Variants in FMNL2 observed in about 807,000 individuals in gnomAD.
The protein encoded by FMNL2 is formin like 2.
In FMNL2, 51 loss-of-function variants were observed where a neutral mutation model predicts 130.2. That is an observed-to-expected ratio of 0.39 (90% CI 0.31 to 0.49). The LOEUF is 0.49. Ranked by LOEUF, FMNL2 falls within the 20% of genes least tolerant of loss-of-function variation. The pLI, the probability that FMNL2 is intolerant of heterozygous loss-of-function variation, is 0.85. For missense variants in FMNL2, 977 were observed against 1,316.2 expected (o/e 0.74, Z 3.99); for synonymous variants, 465 against 467.1 (o/e 1.00, Z 0.06).
chr2:152,474,223 T>A (rs1389549770), intron 1 of FMNL2, among the ~76,000 whole-genome samples: 3 of 152,200 alleles, frequency 2.0e-5, no homozygotes, highest in African/African-American at 7.2e-5. Context: ...CTCACTTGCT[T>A]ACCCAGTGTT....
chr2:152,434,285 G>A (rs1427553406), intron 1 of FMNL2, among the ~76,000 whole-genome samples: 2 of 152,160 alleles, frequency 1.3e-5, no homozygotes, highest in African/African-American at 4.8e-5. Flanking sequence ...GTTAGGTCAG[G>A]CCCATGTAAA....
intron 1 of FMNL2, among the ~76,000 whole-genome samples, chr2:152,406,650 T>C (rs73967858): frequency 0.13 from 20,155 of 152,194 alleles, 1,549 homozygotes; most frequent in East Asian, 0.19. Flanking sequence ...AGTTGAGTCA[T>C]TGCTTTTGAT....
chr2:152,628,100 T>C (rs1413739530), intron 17 of FMNL2, among the ~76,000 whole-genome samples, 199 bp from the exon 18 acceptor site: 1 of 152,202 alleles, frequency 6.6e-6, no homozygotes, highest in African/African-American at 2.4e-5. Context: ...ACCAGTTAAG[T>C]TACCTGAGGC....
intron 14 of FMNL2, 25 bp from the exon 15 acceptor site, chr2:152,619,484 C>G (rs1699120894): frequency 6.5e-7 from 1 of 1,549,840 alleles, no homozygotes; most frequent in Non-Finnish European, 8.7e-7. Flanking sequence ...TTTCAAAGTC[C>G]ATCTGTTTCT....
chr2:152,355,424 C>G (rs191080310), intron 1 of FMNL2, among the ~76,000 whole-genome samples: 1 of 152,276 alleles, frequency 6.6e-6, no homozygotes, highest in East Asian at 1.9e-4. Context: ...TCTTGGTTTC[C>G]ATTCAGGAGC....
chr2:152,521,262 C>T (rs1047084565), intron 1 of FMNL2, among the ~76,000 whole-genome samples: 2 of 152,184 alleles, frequency 1.3e-5, no homozygotes, highest in Admixed American at 6.5e-5. Flanking sequence ...ACCAGCACTA[C>T]AGAAGGTGTG....
intron 1 of FMNL2, among the ~76,000 whole-genome samples, chr2:152,446,258 A>G (rs916613167): frequency 6.6e-6 from 1 of 152,216 alleles, no homozygotes; most frequent in Non-Finnish European, 1.5e-5. Flanking sequence ...CATTTTTAAT[A>G]CTTACAAATA....
At chr2:152,554,964 A>T (rs532172914) in intron 4 of FMNL2, among the ~76,000 whole-genome samples, 1 of 152,202 alleles carries the variant, frequency 6.6e-6, no homozygotes, top group South Asian at 2.1e-4. Context: ...AATGAAAAAG[A>T]TGTGTACTAA....
intron 1 of FMNL2, among the ~76,000 whole-genome samples, chr2:152,368,479 A>G (rs1220978189): frequency 2.1e-5 from 3 of 140,452 alleles, no homozygotes; most frequent in Non-Finnish European, 4.8e-5. Flanking sequence ...TTTTTTTTTT[A>G]AGCAGTAAAA....
At chr2:152,509,085 A>G (rs1161874941) in intron 1 of FMNL2, among the ~76,000 whole-genome samples, 1 of 152,202 alleles carries the variant, frequency 6.6e-6, no homozygotes, top group Non-Finnish European at 1.5e-5. Context: ...CAGACCACAC[A>G]CTTGGGTAGC....
At chr2:152,590,562 C>A (rs948086619) in intron 9 of FMNL2, among the ~76,000 whole-genome samples, 1 of 151,698 alleles carries the variant, frequency 6.6e-6, no homozygotes, top group Non-Finnish European at 1.5e-5. Flanking sequence ...TGCAGTGAGT[C>A]GAGATCGCAC....
rs575127522 is a variant in FMNL2 at position 152,561,531 on chromosome 2, C to G, written c.596+496C>G. 4.6e-5 allele frequency among the ~76,000 whole-genome samples: 7 copies of G among 151,506 alleles called. No homozygotes were observed. In the East Asian group the frequency reaches 1.4e-3, roughly 29 times the overall value. ...GTGATAATTTTTATTAGTGAGATGCCATTAACCAGTGTTCCTTTGATTAGA... is the reference window on the plus strand; with the variant it reads ...GTGATAATTTTTATTAGTGAGATGCGATTAACCAGTGTTCCTTTGATTAGA... On this transcript the variant is annotated intron_variant, in intron 6 of 25. Coordinates refer to ENST00000288670, the MANE Select transcript of FMNL2 (RefSeq NM_052905.4).
At chr2:152,572,285 A>G (rs1579990472) in intron 6 of FMNL2, among the ~76,000 whole-genome samples, 1 of 152,284 alleles carries the variant, frequency 6.6e-6, no homozygotes, top group East Asian at 1.9e-4. Flanking sequence ...AGACCATCTC[A>G]GTAATGTTTA....
chr2:152,405,973 T>A (rs1000587930), intron 1 of FMNL2, among the ~76,000 whole-genome samples: 1 of 152,152 alleles, frequency 6.6e-6, no homozygotes, highest in Admixed American at 6.5e-5. Flanking sequence ...TGTAGAAGAG[T>A]AAGAATTCTT....
intron 9 of FMNL2, among the ~76,000 whole-genome samples, chr2:152,598,472 TGAGGCCAGGAGTTCAAGACCAGCCTG>T (rs1044285009): frequency 3.3e-5 from 5 of 152,152 alleles, no homozygotes; most frequent in African/African-American, 4.8e-5. Flanking sequence ...GTGGATCACT[TGAGGCCAGGAGTTCAAGACCAGCCTG>T]GCCAACATGG....
chr2:152,628,180 G>C, intron 17 of FMNL2, 119 bp from the exon 18 acceptor site: 2 of 815,200 alleles, frequency 2.5e-6, no homozygotes, highest in South Asian at 3.3e-5. Context: ...CGTTGATTTG[G>C]TGTTTGATGA....
At chr2:152,415,467 T>C (rs1166705306) in intron 1 of FMNL2, among the ~76,000 whole-genome samples, 1 of 152,226 alleles carries the variant, frequency 6.6e-6, no homozygotes, top group Non-Finnish European at 1.5e-5. Context: ...CTAAAGCTGT[T>C]TTTGAAAACG....
chr2:152,378,737 A>G (rs1197892302), intron 1 of FMNL2, among the ~76,000 whole-genome samples: 1 of 152,028 alleles, frequency 6.6e-6, no homozygotes, highest in Non-Finnish European at 1.5e-5. Flanking sequence ...TGCTTTGTTG[A>G]TGGGTTTGAT....
chr2:152,608,627 T>C (rs1270853142), intron 10 of FMNL2, among the ~76,000 whole-genome samples: 1 of 151,528 alleles, frequency 6.6e-6, no homozygotes, highest in Non-Finnish European at 1.5e-5. Context: ...ATTTTTACAC[T>C]GACTTTTAAA....
Sources: gnomAD v4.1 joint callset for allele counts (sites outside exome capture counted in the v4.1 genomes callset) on GRCh38, gnomAD v4.1.1 for gene constraint, MANE v1.5 for transcripts, NCBI Gene and HGNC (gene_info 2026-07-23, HGNC 2026-07-21) for gene names.